The following COL6A2 variants were observed in gnomAD, a reference collection of about 807,000 sequenced individuals.
COL6A2 encodes the protein collagen type VI alpha 2 chain.
A neutral mutation model predicts 124.9 loss-of-function variants in COL6A2; 90 were observed. The observed-to-expected ratio is 0.72, with a 90% CI of 0.61 to 0.86. The LOEUF (loss-of-function observed/expected upper bound fraction) is 0.86. Ranked by LOEUF, COL6A2 falls within the 40% of genes least tolerant of loss-of-function variation. The pLI, the probability that COL6A2 is intolerant of heterozygous loss-of-function variation, is 0.00. For missense variants in COL6A2, 1,607 were observed against 1,502.5 expected (o/e 1.07, Z -1.15); for synonymous variants, 793 against 618.2 (o/e 1.28, Z -4.19).
chr21:46,125,593 G>C lies in COL6A2; in HGVS notation c.1945G>C (p.Ala649Pro). The C allele has an allele frequency of 6.2e-7, 1 of 1,612,730 alleles. No homozygotes were observed. The highest frequency in any genetic ancestry group is 8.5e-7 in the Non-Finnish European group (1 of 1,179,954). ...INVVNRLGAI[A>P]KDPKSETGTR... Reference sequence around the variant, plus strand: ...CGTGGTCAACAGGCTGGGTGCCATCGCTAAGGACCCCAAGTCCGAGACAGG... The same window carrying C: ...CGTGGTCAACAGGCTGGGTGCCATCCCTAAGGACCCCAAGTCCGAGACAGG... Residue 649 changes from alanine (A) to proline (P), a missense_variant, in exon 25 of 28, where the codon GCT becomes CCT. Physicochemically the swap from Ala to Pro is conservative, Grantham distance 27. Transcript: ENST00000300527.
chr21:46,126,141 G>A lies in COL6A2; in HGVS notation c.2326G>A (p.Ala776Thr), dbSNP rs759293889. 5.0e-5 allele frequency: 81 copies of A among 1,611,212 alleles called. 1 individual carries two copies. The highest frequency in any genetic ancestry group is 4.9e-4 in the Middle Eastern group (3 of 6,062). ...KHESENLYSI[A>T]CDKPQQVRNM... The stretch of plus-strand genomic sequence containing the variant: ...CGAGAGTGAAAACCTCTACTCCATC[G>A]CCTGCGACAAGCCACAGCAGGTGCG... The change falls in exon 26 of 28, where the codon GCC becomes ACC. Residue 776 changes from alanine (A) to threonine (T), a missense_variant. By Grantham distance (58) the Ala-to-Thr change is moderately conservative. Around this residue, in one of 3 missense-constraint regions of COL6A2, gnomAD observed 1,223 missense variants for 1,052.2 expected, o/e 1.16. Transcript: ENST00000300527.
At chr21:46,104,570 T>C (rs988141083) in intron 1 of COL6A2, among the ~76,000 whole-genome samples, 6 of 152,014 alleles carry the variant, frequency 3.9e-5, no homozygotes, top group African/African-American at 1.5e-4. Flanking sequence ...AACATAAACA[T>C]TGTAGGAGCC....
At chr21:46,124,965 A>G in intron 23 of COL6A2, 45 bp downstream of exon 23, 1 of 1,608,930 alleles carries the variant, frequency 6.2e-7, no homozygotes. Flanking sequence ...TCCTGCCAAA[A>G]CTAGACACCA....
intron 5 of COL6A2, among the ~76,000 whole-genome samples, 173 bp downstream of exon 5, chr21:46,114,246 G>A (rs2078442046): frequency 6.6e-6 from 1 of 152,088 alleles, no homozygotes; most frequent in Non-Finnish European, 1.5e-5. Context: ...CTAACATGGT[G>A]AAACCCTGTC....
At position 46,118,647 on chromosome 21, in the gene COL6A2, C is replaced by G. The variant is rs748745135; in HGVS notation, c.1150C>G (p.Pro384Ala). 6 of 1,612,232 alleles carry G rather than the reference C, an allele frequency of 3.7e-6. No individual in the cohort carries two copies. The African/African-American group carries it at 8.0e-5, about 22-fold the overall frequency. The change falls in exon 13 of 28, where the codon CCG (proline) becomes GCG (alanine). Residue 384 changes from proline (P) to alanine (A), a missense_variant. By Grantham distance (27) the Pro-to-Ala change is conservative. Transcript: ENST00000300527. ...TGGCCGCCCAGGACGCAGAGGGCCC[C>G]CGGGAGAAATCGGGGCCAAGGGAAG... ...DPGRPGRRGP[P>A]GEIGAKGSKG...
chr21:46,128,365 G>A (rs546796383), intron 27 of COL6A2, among the ~76,000 whole-genome samples: 2 of 152,290 alleles, frequency 1.3e-5, no homozygotes, highest in African/African-American at 2.4e-5. Context: ...ATTTCAAAGT[G>A]AACTCGACCT....
At chr21:46,103,281 T>C (rs1241938000) in intron 1 of COL6A2, among the ~76,000 whole-genome samples, 18 of 152,186 alleles carry the variant, frequency 1.2e-4, no homozygotes, top group Non-Finnish European at 1.9e-4. Flanking sequence ...CACTTTCACT[T>C]ATAATTTTAG....
chr21:46,116,015 C>T lies in COL6A2; in HGVS notation c.862C>T (p.Pro288Ser). 1 of 1,608,620 alleles carries T rather than the reference C, an allele frequency of 6.2e-7. No homozygotes were observed. Among genetic ancestry groups the T allele is most frequent in the Non-Finnish European group, 8.5e-7 (1 of 1,178,094 alleles). ...EPGQKGRQGD[P>S]GIEGPIGFPG... ...GCTGCGTTGTCCTTCACAGGGAGAC[C>T]CGGGCATCGAAGGCCCCATTGGATT... Residue 288 changes from proline to serine, a missense_variant, in exon 7 of 28, where the codon CCG becomes TCG. This residue lies in a region of COL6A2 where 42 missense variants were observed against 68.7 expected (regional missense o/e 0.61). Transcript: ENST00000300527. The surrounding 1 kb of genome is among the most constrained non-coding windows in gnomAD (Gnocchi z 4.6).
At position 46,125,840 on chromosome 21, in the gene COL6A2, G is replaced by T; in HGVS notation, c.2025G>T (p.Gln675His). Residue 675 changes from glutamine (Q) to histidine (H), a missense_variant, in exon 26 of 28, where the codon CAG becomes CAT. Physicochemically the swap from Gln to His is conservative, Grantham distance 24 (BLOSUM62 0). Coordinates refer to ENST00000300527, the MANE Select transcript of COL6A2 (RefSeq NM_001849.4). ...YSHEGTFEAI[Q>H]LDDERIDSLS... Reference sequence around the variant, plus strand: ...ACGAGGGCACCTTTGAGGCCATCCAGCTGGACGACGAACGTATCGACTCCC... The same window carrying T: ...ACGAGGGCACCTTTGAGGCCATCCATCTGGACGACGAACGTATCGACTCCC... 2 of 1,612,968 alleles carry T rather than the reference G, an allele frequency of 1.2e-6. No homozygotes were observed. Among genetic ancestry groups the T allele is most frequent in the Non-Finnish European group, 1.7e-6 (2 of 1,179,970 alleles).
Position 46,111,965 on chromosome 21 carries a change from C to G in COL6A2, c.116-14C>G. On this transcript the variant is annotated splice_polypyrimidine_tract_variant and intron_variant, in intron 2 of 27. Coordinates refer to ENST00000300527, the MANE Select transcript of COL6A2 (RefSeq NM_001849.4). Reference sequence around the variant, plus strand: ...CTCCTGAGGCTGGCTCGTGACAGGTCCTGTGCCCCACAGAGAAGACCGACT... The same window carrying G: ...CTCCTGAGGCTGGCTCGTGACAGGTGCTGTGCCCCACAGAGAAGACCGACT... 5 of 1,609,192 alleles carry G rather than the reference C, an allele frequency of 3.1e-6. No individual in the cohort carries two copies. The highest frequency in any genetic ancestry group is 4.2e-6 in the Non-Finnish European group (5 of 1,178,962).
rs1294854864 is a variant in COL6A2, at chr21:46,132,257, T to G, written c.2765T>G (p.Val922Gly). ...TTCTCGCACGTGGGCGCAGGCGTGGTGCACGCCATCAATGCCATCGTGCGC... is the reference window on the plus strand; with the variant it reads ...TTCTCGCACGTGGGCGCAGGCGTGGGGCACGCCATCAATGCCATCGTGCGC... Reference protein sequence around the residue: ...NSFSHVGAGVVHAINAIVRSP... With the variant: ...NSFSHVGAGVGHAINAIVRSP... The change falls in exon 28 of 28, where the codon GTG becomes GGG. Residue 922 changes from valine to glycine, a missense_variant. Around this residue, in one of 3 missense-constraint regions of COL6A2, gnomAD observed 1,223 missense variants for 1,052.2 expected, o/e 1.16. Coordinates refer to ENST00000300527, the MANE Select transcript of COL6A2 (RefSeq NM_001849.4). 1.2e-6 allele frequency: 2 copies of G among 1,605,980 alleles called. No homozygotes were observed. Among genetic ancestry groups the G allele is most frequent in the Admixed American group, 3.4e-5 (2 of 59,598 alleles).
rs869028897 is a variant in COL6A2, at chr21:46,099,889, C to CTTTTTT, written c.-28+1734_-28+1739dup. Among the ~76,000 whole-genome samples, 468 of 91,794 alleles carry CTTTTTT rather than the reference C, an allele frequency of 5.1e-3. 13 individuals are homozygous for CTTTTTT. The highest frequency in any genetic ancestry group is 0.016 in the African/African-American group (415 of 26,010). 60.2% of individuals were successfully genotyped at this position (91,794 alleles called of 152,430 possible). A position where few individuals can be genotyped will look rare whatever the true frequency, so the allele number is the denominator to read the frequency against. ...TCTCCACAATGGATAGCAGCACTGT[C>CTTTTTT]TTTTTTTTTTTTTTTTTTTTTTTCT... is the stretch of plus-strand genomic sequence containing the variant. On this transcript the variant is annotated intron_variant, in intron 1 of 27. Coordinates refer to ENST00000300527, the MANE Select transcript of COL6A2 (RefSeq NM_001849.4).
chr21:46,099,664 C>G (rs975258968), intron 1 of COL6A2, among the ~76,000 whole-genome samples: 3 of 152,144 alleles, frequency 2.0e-5, no homozygotes, highest in African/African-American at 7.2e-5. Context: ...GGGGCACTGG[C>G]TGGGACGGGG....
At chr21:46,108,970 G>T (rs974251255) in intron 1 of COL6A2, among the ~76,000 whole-genome samples, 2 of 152,132 alleles carry the variant, frequency 1.3e-5, no homozygotes, top group African/African-American at 4.8e-5. Flanking sequence ...CAGGAGACCC[G>T]CAGGGGGCAG....
In COL6A2 at chr21:46,125,782, C is replaced by A. The variant is rs201879417; in HGVS notation, c.1970-3C>A. ...GCAACGACCTCACGCGTGCGGCTTG[C>A]AGGGACGCGTGTGGGCGTGGTGCAG... On this transcript the variant is annotated splice_region_variant and splice_polypyrimidine_tract_variant and intron_variant, in intron 25 of 27. Coordinates refer to ENST00000300527, the MANE Select transcript of COL6A2 (RefSeq NM_001849.4). The A allele has an allele frequency of 1.8e-3, 2,882 of 1,611,200 alleles. 3 individuals carry two copies. The highest frequency in any genetic ancestry group is 2.3e-3 in the Non-Finnish European group (2,700 of 1,178,578).
chr21:46,131,459 G>A (rs1394573511), intron 27 of COL6A2, among the ~76,000 whole-genome samples: 1 of 152,232 alleles, frequency 6.6e-6, no homozygotes, highest in African/African-American at 2.4e-5. Context: ...AGGGGCTCCT[G>A]GTCTTTCCGG....
In COL6A2 at chr21:46,128,123, C is replaced by T. The variant is rs574461948; in HGVS notation, c.2461+1582C>T. 6.6e-5 allele frequency among the ~76,000 whole-genome samples: 10 copies of T among 152,346 alleles called. No homozygotes were observed. The South Asian group carries it at 2.1e-3, about 32-fold the overall frequency. On this transcript the variant is annotated intron_variant, in intron 27 of 27. Coordinates refer to ENST00000300527, the MANE Select transcript of COL6A2 (RefSeq NM_001849.4). Reference sequence around the variant, plus strand: ...GTGGTGGCTCCTCCCCAGACGGTGACATGGAGTGAGCCCATTCTCCCTCCT... The same window carrying T: ...GTGGTGGCTCCTCCCCAGACGGTGATATGGAGTGAGCCCATTCTCCCTCCT...
At position 46,124,618 on chromosome 21, in the gene COL6A2, C is replaced by T. The variant is rs772330983; in HGVS notation, c.1672-33C>T. Reference sequence around the variant, plus strand: ...TGTGTGCAGGGACTGTCCCTGGGGCCACTGAAGCCCACCTGTTCTTGTTCC... The same window carrying T: ...TGTGTGCAGGGACTGTCCCTGGGGCTACTGAAGCCCACCTGTTCTTGTTCC... On this transcript the variant is annotated intron_variant, in intron 21 of 27. Coordinates refer to ENST00000300527, the MANE Select transcript of COL6A2 (RefSeq NM_001849.4). The T allele has an allele frequency of 5.0e-6, 8 of 1,608,768 alleles. No homozygotes were observed. In the South Asian group the frequency reaches 5.5e-5, roughly 11 times the overall value.
At chr21:46,123,513 ATGGGCAAGTGGATGGGGG>A (rs1434583783) in intron 21 of COL6A2, among the ~76,000 whole-genome samples, 15 of 151,362 alleles carry the variant, frequency 9.9e-5, no homozygotes, top group Non-Finnish European at 8.9e-5. Flanking sequence ...CGATGGATGG[ATGGGCAAGTGGATGGGGG>A]TGGGCAAATG....
Sources: allele counts gnomAD v4.1 joint callset (sites outside exome capture counted in the v4.1 genomes callset), GRCh38; gene constraint gnomAD v4.1.1; regional missense constraint gnomAD v4.1.1; non-coding constraint Gnocchi (gnomAD v3.1); transcripts MANE v1.5; gene names NCBI Gene and HGNC (gene_info 2026-07-23, HGNC 2026-07-21).